C1S: variants seen among roughly 807,000 people sequenced by gnomAD.
C1S encodes complement C1s subcomponent.
In C1S, 31 loss-of-function variants were observed where a neutral mutation model predicts 54.0. The observed-to-expected ratio is 0.57, with a 90% CI of 0.43 to 0.78. The LOEUF is 0.78. Among genes scored for constraint, C1S ranks in the 30% least tolerant of loss-of-function variants. The probability of loss-of-function intolerance (pLI) is 0.00; values close to 1 mark genes in which losing one functional copy is unlikely to be tolerated. For synonymous variants in C1S, 292 were observed against 303.6 expected (o/e 0.96, Z 0.40); for missense variants, 727 against 851.8 (o/e 0.85, Z 1.82).
Position 7,062,921 on chromosome 12 carries a change from T to G in C1S, c.245T>G (p.Leu82Arg). Reference protein sequence around the residue: ...IISGDTEEGRLCGQRSSNNPH... With the variant: ...IISGDTEEGRRCGQRSSNNPH... Reference sequence around the variant, plus strand: ...TCAGGAGACACTGAAGAAGGGAGGCTCTGTGGACAGAGGAGCAGTAACAAT... The same window carrying G: ...TCAGGAGACACTGAAGAAGGGAGGCGCTGTGGACAGAGGAGCAGTAACAAT... Residue 82 changes from leucine (L) to arginine (R), a missense_variant, in exon 4 of 12, where the codon CTC becomes CGC. Physicochemically the swap from Leu to Arg is moderately radical, Grantham distance 102. Transcript: ENST00000360817. 1 of 1,614,094 alleles carries G rather than the reference T, an allele frequency of 6.2e-7. No individual in the cohort carries two copies. The highest frequency in any genetic ancestry group is 8.5e-7 in the Non-Finnish European group (1 of 1,180,014).
intron 10 of C1S, 64 bp from the exon 11 acceptor site, chr12:7,068,392 A>G (rs1937733546): frequency 1.3e-5 from 15 of 1,191,550 alleles, no homozygotes; most frequent in Non-Finnish European, 1.6e-5. Context: ...TTGGGGTCGG[A>G]GGGGGGAATG....
Position 7,065,103 on chromosome 12 carries a change from A to AT in C1S, c.523dup (p.Cys175LeufsTer29). ...CCTTTCTCTTTTTCTCTGTTAGTTA[A>AT]TTGCAGTGGGGATGTATTCACTGCA... is the stretch of plus-strand genomic sequence containing the variant. On this transcript the variant is annotated frameshift_variant, in exon 6 of 12. Coordinates refer to ENST00000360817, the MANE Select transcript of C1S (RefSeq NM_001734.5). LOFTEE classifies it high-confidence loss of function. The AT allele has an allele frequency of 6.2e-7, 1 of 1,612,670 alleles. No individual in the cohort carries two copies. The highest frequency in any genetic ancestry group is 8.5e-7 in the Non-Finnish European group (1 of 1,178,712).
chr12:7,068,637 C>G, intron 11 of C1S, 107 bp downstream of exon 11: 1 of 812,058 alleles, frequency 1.2e-6, no homozygotes, highest in South Asian at 1.5e-5. Flanking sequence ...AGTGACCTGC[C>G]AGAGTCCAGC....
intron 8 of C1S, 115 bp downstream of exon 8, chr12:7,066,748 C>T (rs782497025): frequency 6.7e-6 from 5 of 751,052 alleles, no homozygotes; most frequent in South Asian, 2.9e-5. Context: ...AACACCTTTC[C>T]CATAAACACA....
In C1S at chr12:7,068,552, G is replaced by A. The variant is rs781841938; in HGVS notation, c.1270+22G>A. On this transcript the variant is annotated intron_variant, in intron 11 of 11. Transcript: ENST00000360817. ...CCAGGTAAGGAGGGCTGAGGCTTGG[G>A]GAGAGATGATAGCCATGGGTGACTG... The A allele has an allele frequency of 2.5e-6, 4 of 1,569,942 alleles. No individual in the cohort carries two copies. In the South Asian group the frequency reaches 3.3e-5, roughly 13 times the overall value.
chr12:7,070,900 G>A lies in C1S; in HGVS notation c.*249G>A. The stretch of plus-strand genomic sequence containing the variant: ...CTATTGTAGATAACACTATGGGTGG[G>A]GCACTCCTTTCTTGCACTATTCCAC... On this transcript the variant is annotated 3_prime_UTR_variant, in exon 12 of 12. Transcript: ENST00000360817. This position sits in a 1 kb window ranked among gnomAD's most constrained non-coding sequence, Gnocchi z 4.9. The A allele has an allele frequency of 2.1e-5, 11 of 528,574 alleles. No homozygotes were observed. The South Asian group carries it at 2.3e-4, about 11-fold the overall frequency. The allele number at this position is 528,574 out of a possible 1,614,324, so 32.7% of individuals were successfully genotyped here.
chr12:7,065,720 G>A, intron 6 of C1S, 97 bp from the exon 7 acceptor site: 6 of 1,020,400 alleles, frequency 5.9e-6, no homozygotes, highest in South Asian at 1.3e-5. Context: ...CTTATTTTAT[G>A]TGACATTTAA....
Position 7,067,023 on chromosome 12 carries a change from G to T in C1S, c.988-16G>T, listed in dbSNP as rs1246388929. On this transcript the variant is annotated splice_polypyrimidine_tract_variant and intron_variant, in intron 8 of 11. Coordinates refer to ENST00000360817, the MANE Select transcript of C1S (RefSeq NM_001734.5). ...TCTCTCTTCAGAAATAAGTGGTGAT[G>T]TTTATTATTCTCCAGGGACGTGTTG... 1.3e-6 allele frequency: 2 copies of T among 1,589,398 alleles called. No homozygotes were observed. Among genetic ancestry groups the T allele is most frequent in the Non-Finnish European group, 1.7e-6 (2 of 1,157,436 alleles).
At chr12:7,062,135 A>G (rs1555161351) in intron 2 of C1S, 4 of 590,400 alleles carry the variant, frequency 6.8e-6, no homozygotes, top group Non-Finnish European at 1.2e-5. Flanking sequence ...GCCCAGCGTC[A>G]TGCGTGTCAC....
intron 8 of C1S, 52 bp downstream of exon 8, chr12:7,066,685 G>A: frequency 9.2e-7 from 1 of 1,085,172 alleles, no homozygotes. Context: ...ATCAGGATGA[G>A]CGGACTGAAA....
rs781913781 is a variant in C1S, at chr12:7,067,067, C to T, written c.1016C>T (p.Ser339Leu). ...CGTGTTGGTGCAACATCTTTCTATT[C>T]GACTTGTCAAAGCAATGGAAAGTGG... The part of the protein sequence containing the change: ...EGRVGATSFY[S>L]TCQSNGKWSN... The change falls in exon 9 of 12, where the codon TCG (serine) becomes TTG (leucine). Residue 339 changes from serine (S) to leucine (L), a missense_variant. Ser to Leu is a moderately radical substitution (Grantham distance 145). Coordinates refer to ENST00000360817, the MANE Select transcript of C1S (RefSeq NM_001734.5). The T allele has an allele frequency of 7.4e-6, 12 of 1,611,844 alleles. No homozygotes were observed. Among genetic ancestry groups the T allele is most frequent in the Middle Eastern group, 1.7e-4 (1 of 6,058 alleles).
intron 11 of C1S, chr12:7,068,829 A>AGT: frequency 2.3e-6 from 1 of 429,022 alleles, no homozygotes; most frequent in Non-Finnish European, 4.3e-6. Flanking sequence ...GAAAGCTGAG[A>AGT]GTGTGTGAGT....
Position 7,069,944 on chromosome 12 carries a change from T to G in C1S, c.1360T>G (p.Phe454Val). Residue 454 changes from phenylalanine to valine, a missense_variant, in exon 12 of 12, where the codon TTC (phenylalanine) becomes GTC (valine). Phe to Val is a conservative substitution (Grantham distance 50). This residue lies in a region of C1S where 360 missense variants were observed against 453.6 expected (regional missense o/e 0.79). Transcript: ENST00000360817. ...ADIKNFPWQV[F>V]FDNPWAGGAL... The stretch of plus-strand genomic sequence containing the variant: ...TATTAAAAACTTCCCCTGGCAAGTC[T>G]TCTTTGACAACCCATGGGCTGGTGG... 6.2e-7 allele frequency: 1 copy of G among 1,614,174 alleles called. No homozygotes were observed. The highest frequency in any genetic ancestry group is 8.5e-7 in the Non-Finnish European group (1 of 1,180,024).
chr12:7,062,374 C>G lies in C1S; in HGVS notation c.6-101C>G, dbSNP rs1395422482. On this transcript the variant is annotated intron_variant, in intron 2 of 11. Transcript: ENST00000360817. ...ATTCTCCCCCATGGCCGATTGACTG[C>G]CTCTCTTCTTCCCCCTTTCTTCTGC... is the stretch of plus-strand genomic sequence containing the variant. The G allele has an allele frequency of 5.8e-6, 5 of 855,312 alleles. No individual in the cohort carries two copies. The African/African-American group carries it at 8.3e-5, about 14-fold the overall frequency. The allele number at this position is 855,312 out of a possible 1,614,324, so 53.0% of individuals were successfully genotyped here. A position where few individuals can be genotyped will look rare whatever the true frequency, so the allele number is the denominator to read the frequency against.
In C1S at chr12:7,070,724, A is replaced by G. The variant is rs1467949372; in HGVS notation, c.*73A>G. On this transcript the variant is annotated 3_prime_UTR_variant, in exon 12 of 12. Coordinates refer to ENST00000360817, the MANE Select transcript of C1S (RefSeq NM_001734.5). This position sits in a 1 kb window ranked among gnomAD's most constrained non-coding sequence, Gnocchi z 4.9. Reference sequence around the variant, plus strand: ...ACCTTCTGTTCCTTATGATATTCTCATTATTTCATCATGACTGAAAGAAGA... The same window carrying G: ...ACCTTCTGTTCCTTATGATATTCTCGTTATTTCATCATGACTGAAAGAAGA... 41 of 1,201,024 alleles carry G rather than the reference A, an allele frequency of 3.4e-5. No individual in the cohort carries two copies. Among genetic ancestry groups the G allele is most frequent in the African/African-American group, 1.8e-4 (12 of 66,910 alleles). 74.4% of individuals were successfully genotyped at this position (1,201,024 alleles called of 1,614,324 possible).
intron 2 of C1S, 73 bp downstream of exon 2, chr12:7,061,990 C>T (rs1947095561): frequency 6.8e-7 from 1 of 1,472,336 alleles, no homozygotes. Context: ...CGCTCAAGGG[C>T]CAGGCATGAT....
chr12:7,068,745 C>T (rs189694549), intron 11 of C1S: 24 of 579,346 alleles, frequency 4.1e-5, no homozygotes, highest in East Asian at 2.3e-4. Context: ...GAAATAGAAA[C>T]GTCAGCCAGC....
chr12:7,070,512 A>T lies in C1S; in HGVS notation c.1928A>T (p.Asp643Val). The T allele has an allele frequency of 6.2e-7, 1 of 1,613,848 alleles. No individual in the cohort carries two copies. The highest frequency in any genetic ancestry group is 1.6e-4 in the Middle Eastern group (1 of 6,062). Residue 643 changes from aspartate (D) to valine (V), a missense_variant, in exon 12 of 12, where the codon GAC becomes GTC. Asp to Val is a radical substitution (Grantham distance 152). This residue lies in a region of C1S where 360 missense variants were observed against 453.6 expected (regional missense o/e 0.79). Transcript: ENST00000360817. This position sits in a 1 kb window ranked among gnomAD's most constrained non-coding sequence, Gnocchi z 4.9. ...GCCTTTGCTGTACAGGATCCCAATG[A>T]CAAGACCAAATTCTACGCAGCTGGC... ...GGAFAVQDPNDKTKFYAAGLV... is the reference protein window; with the variant it reads ...GGAFAVQDPNVKTKFYAAGLV...
intron 2 of C1S, 198 bp from the exon 3 acceptor site, chr12:7,062,270 CAAAAAAA>C (rs373096669): frequency 1.1e-5 from 5 of 446,334 alleles, no homozygotes; most frequent in Non-Finnish European, 2.0e-5. Context: ...GAACCTGTCT[CAAAAAAA>C]AAAAAAAAAG....
Sources: allele counts gnomAD v4.1 joint callset, GRCh38; gene constraint gnomAD v4.1.1; regional missense constraint gnomAD v4.1.1; non-coding constraint Gnocchi (gnomAD v3.1); transcripts MANE v1.5; gene names NCBI Gene and HGNC (gene_info 2026-07-23, HGNC 2026-07-21).